C1GALT1: variants seen among roughly 807,000 people sequenced by gnomAD.
C1GALT1 encodes the protein core 1 synthase, glycoprotein-N-acetylgalactosamine 3-beta-galactosyltransferase 1.
C1GALT1 carries 11 observed loss-of-function variants against 31.0 expected under a neutral mutation model. That is an observed-to-expected ratio of 0.36 (90% CI 0.22 to 0.59). C1GALT1 has a LOEUF of 0.59. C1GALT1 is among the 20% of genes least tolerant of loss of function. The pLI is 0.79. For synonymous variants in C1GALT1, 175 were observed against 143.6 expected (o/e 1.22, Z -1.56); for missense variants, 424 against 425.2 (o/e 1.00, Z 0.03).
chr7:7,167,853 T>G (rs1163768933), intron 2 of C1GALT1, among the ~76,000 whole-genome samples: 1 of 152,166 alleles, frequency 6.6e-6, no homozygotes, highest in African/African-American at 2.4e-5. Context: ...TCTCCTAGAC[T>G]CAGAATGAGC....
At chr7:7,201,302 G>A (rs867531951) in intron 1 of C1GALT1, among the ~76,000 whole-genome samples, 7 of 152,198 alleles carry the variant, frequency 4.6e-5, no homozygotes, top group Non-Finnish European at 5.9e-5. Context: ...TATCACCAGC[G>A]GAGGCTGCAG....
rs115851368 is a variant in C1GALT1, at chr7:7,213,670, T to G, written c.-17-20633T>G. Among the ~76,000 whole-genome samples the G allele has an allele frequency of 3.7e-3, 562 of 152,302 alleles. 5 individuals carry two copies. The highest frequency in any genetic ancestry group is 0.013 in the African/African-American group (533 of 41,552). On this transcript the variant is annotated intron_variant, in intron 1 of 3. Transcript: ENST00000436587. ...CTGTGACATGAAAATTTTGTTTAAA[T>G]CCAAATTTTACCCTTGCACTAGTTT...
At chr7:7,239,502 C>T (rs566842223) in intron 3 of C1GALT1, among the ~76,000 whole-genome samples, 2 of 152,232 alleles carry the variant, frequency 1.3e-5, no homozygotes, top group African/African-American at 2.4e-5. Flanking sequence ...ACTTAATAGC[C>T]GAACAACCTT....
intron 1 of C1GALT1, among the ~76,000 whole-genome samples, chr7:7,232,101 G>A (rs1042387956): frequency 1.3e-5 from 2 of 152,162 alleles, no homozygotes; most frequent in African/African-American, 4.8e-5. Context: ...TCATTGTCTT[G>A]AGGATAGAGC....
intron 1 of C1GALT1, among the ~76,000 whole-genome samples, chr7:7,217,987 G>A (rs1033073825): frequency 6.6e-6 from 1 of 152,204 alleles, no homozygotes; most frequent in African/African-American, 2.4e-5. Flanking sequence ...AGACACATGA[G>A]CCCATAGCTG....
upstream of C1GALT1, among the ~76,000 whole-genome samples, chr7:7,180,818 G>A (rs989249399): frequency 6.6e-6 from 1 of 151,422 alleles, no homozygotes; most frequent in Non-Finnish European, 1.5e-5. Context: ...TCAGCCTTCA[G>A]CCCAGTTATT....
chr7:7,239,071 G>C, intron 3 of C1GALT1, 149 bp downstream of exon 3: 2 of 655,424 alleles, frequency 3.1e-6, no homozygotes, highest in East Asian at 5.5e-5. Context: ...TAACAAAATA[G>C]ATGAGAACAG....
At chr7:7,182,415 C>T (rs1006332037), upstream of C1GALT1, 1 of 152,276 alleles carries the variant, frequency 6.6e-6, no homozygotes, top group Non-Finnish European at 1.5e-5. Context: ...TTCCCAGACC[C>T]CTTCGCATTA....
At chr7:7,229,169 A>G (rs1782945231) in intron 1 of C1GALT1, among the ~76,000 whole-genome samples, 1 of 152,222 alleles carries the variant, frequency 6.6e-6, no homozygotes, top group East Asian at 1.9e-4. Flanking sequence ...CTCCAGTGCC[A>G]GGAGCGGTAG....
intron 1 of C1GALT1, among the ~76,000 whole-genome samples, chr7:7,199,342 G>C (rs1781437812): frequency 6.6e-6 from 1 of 152,190 alleles, no homozygotes; most frequent in South Asian, 2.1e-4. Context: ...ATGTAGGTGA[G>C]CGGTTTTGAG....
intron 1 of C1GALT1, among the ~76,000 whole-genome samples, chr7:7,227,687 T>C (rs1231438703): frequency 8.0e-4 from 113 of 142,034 alleles, no homozygotes; most frequent in African/African-American, 2.9e-3. Context: ...GCCACTGCAC[T>C]CCAGCCTGGG....
At chr7:7,201,174 T>C (rs1781515882) in intron 1 of C1GALT1, among the ~76,000 whole-genome samples, 1 of 152,166 alleles carries the variant, frequency 6.6e-6, no homozygotes, top group Admixed American at 6.5e-5. Context: ...ACGTACAAAA[T>C]GGGATTTTGG....
rs981485779 is a variant in C1GALT1, at chr7:7,175,464, G to C, written c.-18+18038G>C. Among the ~76,000 whole-genome samples, 6 of 152,228 alleles carry C rather than the reference G, an allele frequency of 3.9e-5. No individual in the cohort carries two copies. In the South Asian group the frequency reaches 1.2e-3, roughly 32 times the overall value. On this transcript the variant is annotated intron_variant, in intron 2 of 3. Coordinates refer to the C1GALT1 transcript ENST00000429911. ...GCTTTCTAAATTCCCACGTATATATGGTTGCTTTTGAATATTTTAATTTCC... is the reference window on the plus strand; with the variant it reads ...GCTTTCTAAATTCCCACGTATATATCGTTGCTTTTGAATATTTTAATTTCC...
At chr7:7,206,064 A>G (rs993193641) in intron 1 of C1GALT1, among the ~76,000 whole-genome samples, 1 of 152,186 alleles carries the variant, frequency 6.6e-6, no homozygotes, top group African/African-American at 2.4e-5. Flanking sequence ...TAAAAATTAC[A>G]ATATTTATAC....
chr7:7,224,022 A>T (rs983926132), intron 1 of C1GALT1, among the ~76,000 whole-genome samples: 2 of 151,916 alleles, frequency 1.3e-5, no homozygotes, highest in Admixed American at 1.3e-4. Flanking sequence ...CATTTGTGTG[A>T]ATTTTCCTTT....
At chr7:7,200,054 C>A (rs1193908590) in intron 1 of C1GALT1, among the ~76,000 whole-genome samples, 6 of 152,056 alleles carry the variant, frequency 3.9e-5, no homozygotes. Context: ...AAAGTTAATA[C>A]TGTTAGGTGT....
intron 1 of C1GALT1, among the ~76,000 whole-genome samples, chr7:7,230,780 T>C (rs80140685): frequency 1.3e-5 from 2 of 151,972 alleles, no homozygotes; most frequent in East Asian, 1.9e-4. Context: ...AGTTTTTTTT[T>C]TTTAAACAAC....
intron 2 of C1GALT1, among the ~76,000 whole-genome samples, chr7:7,235,665 G>T (rs1160050546): frequency 1.3e-5 from 2 of 152,032 alleles, no homozygotes; most frequent in Non-Finnish European, 2.9e-5. Flanking sequence ...CAAAATGTGG[G>T]GTATGCTAAA....
upstream of C1GALT1, among the ~76,000 whole-genome samples, chr7:7,181,999 G>C (rs1211358048): frequency 6.6e-6 from 1 of 152,148 alleles, no homozygotes; most frequent in Non-Finnish European, 1.5e-5. Flanking sequence ...AACCAAAGAC[G>C]AAATGTGCCT....
Sources: gnomAD v4.1 joint callset for allele counts (sites outside exome capture counted in the v4.1 genomes callset) on GRCh38, gnomAD v4.1.1 for gene constraint, MANE v1.5 for transcripts, NCBI Gene and HGNC (gene_info 2026-07-23, HGNC 2026-07-21) for gene names.